Variants in SLC24A2 observed in about 807,000 individuals in gnomAD.
SLC24A2 encodes solute carrier family 24 member 2, also known as sodium/potassium/calcium exchanger 2.
Under a neutral mutation model 62.0 loss-of-function variants are expected in SLC24A2, and 36 were observed. That is an observed-to-expected ratio of 0.58 (90% CI 0.44 to 0.77). The LOEUF is 0.77. SLC24A2 is among the 30% of genes least tolerant of loss of function. The pLI is 0.00. For synonymous variants in SLC24A2, 358 were observed against 294.0 expected (o/e 1.22, Z -2.23); for missense variants, 846 against 817.9 (o/e 1.03, Z -0.42).
the SLC24A2 span, among the ~76,000 whole-genome samples, chr9:20,248,020 G>T: frequency 5.3e-5 from 8 of 152,206 alleles, no homozygotes; most frequent in Non-Finnish European, 7.3e-5. Context: ...GTCCACACAC[G>T]TGTAAAGCAA....
chr9:20,202,260 G>A, the SLC24A2 span, among the ~76,000 whole-genome samples: 4 of 152,192 alleles, frequency 2.6e-5, no homozygotes, highest in Non-Finnish European at 5.9e-5. Flanking sequence ...AAGAAAGGAA[G>A]GACTGAGGAC....
chr9:19,860,955 T>A, the SLC24A2 span, among the ~76,000 whole-genome samples: 1 of 151,972 alleles, frequency 6.6e-6, no homozygotes, highest in Non-Finnish European at 1.5e-5. Context: ...ACTTCTAAGG[T>A]TTTTGACTCT....
the SLC24A2 span, among the ~76,000 whole-genome samples, chr9:20,307,401 C>T: frequency 1.2e-3 from 186 of 152,328 alleles, no homozygotes; most frequent in African/African-American, 4.3e-3. Context: ...AATGCTGCGA[C>T]TTTGTCCTCC....
chr9:19,694,275 C>T (rs186621886), intron 2 of SLC24A2, among the ~76,000 whole-genome samples: 12 of 152,008 alleles, frequency 7.9e-5, no homozygotes, highest in Non-Finnish European at 1.5e-4. Flanking sequence ...TCAGTTTAAA[C>T]GCTTTAATAA....
rs1832764723 is a variant in SLC24A2 at position 19,512,761 on chromosome 9, G to A, written c.*3392C>T. 1 of 152,098 alleles carries A rather than the reference G, an allele frequency of 6.6e-6. No individual in the cohort carries two copies. The highest frequency in any genetic ancestry group is 2.4e-5 in the African/African-American group (1 of 41,390). The allele number at this position is 152,098 out of a possible 1,614,324, so 9.4% of individuals were successfully genotyped here. ...TTTTAGATTGATTAGTACAATGTTG[G>A]CTCTTGAATTGTTGATATCTTTTAT... is the stretch of plus-strand genomic sequence containing the variant. On this transcript the variant is annotated 3_prime_UTR_variant, in exon 11 of 11. Transcript: ENST00000341998.
At chr9:19,718,962 AAAG>A (rs1359806505) in intron 2 of SLC24A2, among the ~76,000 whole-genome samples, 2 of 152,200 alleles carry the variant, frequency 1.3e-5, no homozygotes, top group Admixed American at 1.3e-4. Flanking sequence ...ACTATTTGAG[AAAG>A]AAGAATCCAG....
At chr9:19,694,585 T>G (rs1820131841) in intron 2 of SLC24A2, among the ~76,000 whole-genome samples, 1 of 152,208 alleles carries the variant, frequency 6.6e-6, no homozygotes, top group Non-Finnish European at 1.5e-5. Context: ...AGGTATAATA[T>G]GCATCAAGGG....
At chr9:19,750,095 T>C (rs1287773397) in intron 2 of SLC24A2, among the ~76,000 whole-genome samples, 1 of 152,114 alleles carries the variant, frequency 6.6e-6, no homozygotes, top group East Asian at 1.9e-4. Flanking sequence ...CCGGAGTACA[T>C]TAGTGTCAGA....
chr9:19,533,742 A>G (rs991764284), intron 8 of SLC24A2, among the ~76,000 whole-genome samples: 3 of 152,318 alleles, frequency 2.0e-5, no homozygotes, highest in East Asian at 3.9e-4. Context: ...TCACAGAATT[A>G]TGGGCTAAAA....
the SLC24A2 span, among the ~76,000 whole-genome samples, chr9:19,808,938 A>T: frequency 6.6e-6 from 1 of 152,222 alleles, no homozygotes; most frequent in Non-Finnish European, 1.5e-5. The surrounding 1 kb of genome is among the most constrained non-coding windows in gnomAD (Gnocchi z 4.1). Context: ...TACAGAAATG[A>T]ACATTTCAAG....
intron 1 of SLC24A2, among the ~76,000 whole-genome samples, chr9:19,787,706 A>C (rs200051804): frequency 1.6e-5 from 1 of 61,240 alleles, no homozygotes; most frequent in African/African-American, 4.0e-5. Flanking sequence ...CTAAACATCT[A>C]GACATTGTTT....
the SLC24A2 span, among the ~76,000 whole-genome samples, chr9:19,802,855 T>C: frequency 6.6e-6 from 1 of 152,200 alleles, no homozygotes; most frequent in Non-Finnish European, 1.5e-5. Context: ...TAATTCCCAA[T>C]GCAATAGTAT....
intron 2 of SLC24A2, among the ~76,000 whole-genome samples, chr9:19,762,159 GT>G (rs1172482059): frequency 6.6e-6 from 1 of 151,986 alleles, no homozygotes; most frequent in Non-Finnish European, 1.5e-5. Context: ...TGATGGGGTT[GT>G]TTTTTTCTTG....
chr9:20,010,901 T>A, the SLC24A2 span, among the ~76,000 whole-genome samples: 3 of 151,972 alleles, frequency 2.0e-5, no homozygotes, highest in Non-Finnish European at 4.4e-5. Context: ...AGAATGATGG[T>A]TTCCAGCTTC....
chr9:20,305,084 G>A, the SLC24A2 span, among the ~76,000 whole-genome samples: 8 of 151,162 alleles, frequency 5.3e-5, no homozygotes, highest in African/African-American at 2.0e-4. Context: ...GTTAAAGAAA[G>A]CGGATTCTAC....
intron 2 of SLC24A2, among the ~76,000 whole-genome samples, chr9:19,716,268 C>G (rs1376545030): frequency 6.6e-6 from 1 of 152,204 alleles, no homozygotes; most frequent in Non-Finnish European, 1.5e-5. Context: ...ATTCTACAGT[C>G]AAAAGCTCTA....
chr9:19,992,482 TACAA>T, the SLC24A2 span, among the ~76,000 whole-genome samples: 2 of 152,342 alleles, frequency 1.3e-5, no homozygotes, highest in African/African-American at 4.8e-5. Flanking sequence ...TCATTTTATA[TACAA>T]ACAATTTACC....
the SLC24A2 span, among the ~76,000 whole-genome samples, chr9:20,024,440 T>C: frequency 6.6e-6 from 1 of 152,236 alleles, no homozygotes; most frequent in Admixed American, 6.5e-5. Flanking sequence ...TTGGCCTTCC[T>C]GGCTTTGGCC....
At chr9:19,978,270 A>G in the SLC24A2 span, among the ~76,000 whole-genome samples, 2 of 152,166 alleles carry the variant, frequency 1.3e-5, no homozygotes, top group African/African-American at 2.4e-5. Flanking sequence ...ATTCAATACC[A>G]TCTTTAGCAA....
Sources: allele counts gnomAD v4.1 joint callset (sites outside exome capture counted in the v4.1 genomes callset), GRCh38; gene constraint gnomAD v4.1.1; non-coding constraint Gnocchi (gnomAD v3.1); transcripts MANE v1.5; gene names NCBI Gene and HGNC (gene_info 2026-07-23, HGNC 2026-07-21).